The following PRODH2 variants were observed in gnomAD, a reference collection of about 807,000 sequenced individuals.
PRODH2 encodes hydroxyproline dehydrogenase.
Under a neutral mutation model 51.9 loss-of-function variants are expected in PRODH2, and 49 were observed. The observed-to-expected ratio is 0.94, with a 90% CI of 0.75 to 1.20. The LOEUF is 1.20. PRODH2 is among the 50% of genes most tolerant of loss of function. The probability of loss-of-function intolerance (pLI) is 0.00; values close to 1 mark genes in which losing one functional copy is unlikely to be tolerated. For missense variants in PRODH2, 597 were observed against 610.9 expected (o/e 0.98, Z 0.24); for synonymous variants, 249 against 260.7 (o/e 0.96, Z 0.43).
intron 9 of PRODH2, among the ~76,000 whole-genome samples, chr19:35,800,730 T>G (rs2146776938): frequency 6.6e-6 from 1 of 152,210 alleles, no homozygotes; most frequent in East Asian, 1.9e-4. Flanking sequence ...TCTAGCCCTG[T>G]GGCCCAGGCT....
At chr19:35,811,325 G>C (rs114099729) in intron 4 of PRODH2, among the ~76,000 whole-genome samples, 193 of 151,518 alleles carry the variant, frequency 1.3e-3, no homozygotes, top group African/African-American at 4.1e-3. Context: ...GGCTGAGGCT[G>C]GGGGATTGCT....
chr19:35,810,461 G>A (rs1972591110), intron 4 of PRODH2, among the ~76,000 whole-genome samples: 2 of 151,520 alleles, frequency 1.3e-5, no homozygotes, highest in Non-Finnish European at 1.5e-5. Flanking sequence ...TGGAAACAGT[G>A]GGGGCCGGGC....
rs746664469 is a variant in PRODH2, at chr19:35,812,013, G to A, written c.546C>T (p.Ala182=). 7 of 1,614,242 alleles carry A rather than the reference G, an allele frequency of 4.3e-6. No homozygotes were observed. The highest frequency in any genetic ancestry group is 1.1e-5 in the South Asian group (1 of 91,088). The change falls in exon 4 of 10, where the codon GCC becomes GCT. Residue 182 remains alanine (A), a synonymous_variant. Coordinates refer to ENST00000653904, the MANE Select transcript of PRODH2 (RefSeq NM_021232.2). The stretch of plus-strand genomic sequence containing the variant: ...GCCTCTCGGGGCTCAGCTCCAAGGA[G>A]GCTCCTGGCCTTCTGACCCACGAGG... The part of the protein sequence containing the change: ...ELASWVRRPG[A]SLELSPERLA...
In PRODH2 at chr19:35,812,799, G is replaced by T; in HGVS notation, c.7C>A (p.Arg3=). The T allele has an allele frequency of 1.3e-6, 2 of 1,589,416 alleles. No individual in the cohort carries two copies. Among genetic ancestry groups the T allele is most frequent in the Non-Finnish European group, 1.7e-6 (2 of 1,164,758 alleles). ...TGGGAACAGAGCACGTAACAGGTCC[G>T]GAGCATCCTGGGTCCCTGGCTGCCT... ML[R]TCYVLCSQAG... Residue 3 remains arginine (R), a synonymous_variant, in exon 1 of 10, where the codon CGG becomes AGG. Coordinates refer to ENST00000653904, the MANE Select transcript of PRODH2 (RefSeq NM_021232.2).
chr19:35,805,877 TG>T (rs1469362423), intron 7 of PRODH2, among the ~76,000 whole-genome samples: 1 of 151,960 alleles, frequency 6.6e-6, no homozygotes, highest in African/African-American at 2.4e-5. Context: ...AGGTGAGGGA[TG>T]GGGCCATGCC....
rs1972516874 is a variant in PRODH2 at position 35,806,672 on chromosome 19, C to T, written c.834+3G>A. 6.2e-7 allele frequency: 1 copy of T among 1,613,926 alleles called. No individual in the cohort carries two copies. Among genetic ancestry groups the T allele is most frequent in the Non-Finnish European group, 8.5e-7 (1 of 1,179,830 alleles). The stretch of plus-strand genomic sequence containing the variant: ...CCTGTACCTCCTGGAACACACTGCA[C>T]ACCTTTAGACAGGCCTGGTAGGTGT... On this transcript the variant is annotated splice_donor_region_variant and intron_variant, in intron 6 of 9. Transcript: ENST00000653904.
chr19:35,808,484 T>C (rs1450210931), intron 4 of PRODH2, among the ~76,000 whole-genome samples: 1 of 152,138 alleles, frequency 6.6e-6, no homozygotes, highest in African/African-American at 2.4e-5. Flanking sequence ...AGGGAAGACC[T>C]GGAGGCAGCA....
chr19:35,804,403 C>A (rs971099405), intron 7 of PRODH2, among the ~76,000 whole-genome samples: 2 of 152,178 alleles, frequency 1.3e-5, no homozygotes, highest in Non-Finnish European at 2.9e-5. Context: ...TAGTTAAAAC[C>A]CTTTGTGCAG....
chr19:35,807,010 C>A (rs762519838), intron 5 of PRODH2, 31 bp downstream of exon 5: 1 of 1,541,828 alleles, frequency 6.5e-7, no homozygotes. Context: ...GAGGGAGGCC[C>A]GGAGGTGCTG....
rs141090116 is a variant in PRODH2, at chr19:35,800,343, G to A, written c.1199-121C>T. 419 of 894,570 alleles carry A rather than the reference G, an allele frequency of 4.7e-4. 3 individuals carry two copies. The highest frequency in any genetic ancestry group is 4.5e-3 in the African/African-American group (261 of 57,828). 55.4% of individuals were successfully genotyped at this position (894,570 alleles called of 1,614,324 possible). ...CAGCTCACTGCAAGCTCTGCCTCCA[G>A]GTTCAAGCGATTCTCATGCCTCAGC... On this transcript the variant is annotated intron_variant, in intron 9 of 9. Coordinates refer to ENST00000653904, the MANE Select transcript of PRODH2 (RefSeq NM_021232.2).
At chr19:35,802,896 A>G in intron 8 of PRODH2, 72 bp downstream of exon 8, 1 of 1,128,522 alleles carries the variant, frequency 8.9e-7, no homozygotes, top group East Asian at 2.7e-5. Context: ...CATCTCTGGC[A>G]TTTGAGCAAA....
rs1972548589 is a variant in PRODH2 at position 35,808,486 on chromosome 19, G to C, written c.598-1365C>G. ...TGCCTCCTGGAGAAGGGAAGACCTGGAGGCAGCAGCCTGGTTTCCTCCTCC... is the reference window on the plus strand; with the variant it reads ...TGCCTCCTGGAGAAGGGAAGACCTGCAGGCAGCAGCCTGGTTTCCTCCTCC... On this transcript the variant is annotated intron_variant, in intron 4 of 9. Transcript: ENST00000653904. Among the ~76,000 whole-genome samples, 4 of 152,232 alleles carry C rather than the reference G, an allele frequency of 2.6e-5. No homozygotes were observed. In the South Asian group the frequency reaches 8.3e-4, roughly 32 times the overall value.
At chr19:35,808,147 G>A (rs1599821613) in intron 4 of PRODH2, among the ~76,000 whole-genome samples, 1 of 152,322 alleles carries the variant, frequency 6.6e-6, no homozygotes. Context: ...CCCTAGCACC[G>A]TGTCTGGAAC....
rs370972390 is a variant in PRODH2 at position 35,806,527 on chromosome 19, G to A, written c.904C>T (p.Leu302=). 4 of 1,614,134 alleles carry A rather than the reference G, an allele frequency of 2.5e-6. No homozygotes were observed. Among genetic ancestry groups the A allele is most frequent in the South Asian group, 1.1e-5 (1 of 91,082 alleles). ...TTGTCCAGATATGCACCTCGTACCA[G>A]CTTCACTCCGAAGGCCAGGCCGGCC... The part of the protein sequence containing the change: ...HRAGLAFGVK[L]VRGAYLDKER... The change falls in exon 7 of 10, where the codon CTG becomes TTG. Residue 302 remains leucine (L), a synonymous_variant. Transcript: ENST00000653904.
At position 35,811,825 on chromosome 19, in the gene PRODH2, C is replaced by T. The variant is rs551376683; in HGVS notation, c.597+137G>A. 4.8e-6 allele frequency: 4 copies of T among 836,998 alleles called. No homozygotes were observed. The East Asian group carries it at 8.1e-5, about 17-fold the overall frequency. The allele number at this position is 836,998 out of a possible 1,614,324, so 51.8% of individuals were successfully genotyped here. A position where few individuals can be genotyped will look rare whatever the true frequency, so the allele number is the denominator to read the frequency against. On this transcript the variant is annotated intron_variant, in intron 4 of 9. Coordinates refer to ENST00000653904, the MANE Select transcript of PRODH2 (RefSeq NM_021232.2). ...CTGATTCCATCCATTTCAACCATGC[C>T]TGGGAGCTACAGCTGCACTTCTGCT...
chr19:35,803,160 C>A lies in PRODH2; in HGVS notation c.1002-82G>T, dbSNP rs1972460364. The A allele has an allele frequency of 3.3e-6, 3 of 901,058 alleles. 1 individual carries two copies. The highest frequency in any genetic ancestry group is 1.7e-5 in the African/African-American group (1 of 59,650). 55.8% of individuals were successfully genotyped at this position (901,058 alleles called of 1,614,324 possible). A position where few individuals can be genotyped will look rare whatever the true frequency, so the allele number is the denominator to read the frequency against. On this transcript the variant is annotated intron_variant, in intron 7 of 9. Coordinates refer to ENST00000653904, the MANE Select transcript of PRODH2 (RefSeq NM_021232.2). ...CTGGGGTGGGTGGGGTGCTCCTAAG[C>A]AAGGGGTCTCTGGAACCAGTACTCT...
intron 9 of PRODH2, among the ~76,000 whole-genome samples, chr19:35,801,146 G>A (rs952134327): frequency 6.6e-6 from 1 of 152,010 alleles, no homozygotes; most frequent in Admixed American, 6.6e-5. Context: ...AAGTCTGGGC[G>A]ACAGAGCCAG....
chr19:35,810,118 A>T (rs1158007649), intron 4 of PRODH2, among the ~76,000 whole-genome samples: 1 of 145,852 alleles, frequency 6.9e-6, no homozygotes, highest in Non-Finnish European at 1.5e-5. Context: ...AAATACAAAA[A>T]TTAGCCAGGT....
chr19:35,807,069 G>A lies in PRODH2; in HGVS notation c.650C>T (p.Ser217Phe). Residue 217 changes from serine to phenylalanine, a missense_variant, in exon 5 of 10, where the codon TCC becomes TTC. Coordinates refer to ENST00000653904, the MANE Select transcript of PRODH2 (RefSeq NM_021232.2). ...NAEQNQHLRA[S>F]LSRLHRVAQY... is the part of the protein sequence containing the mutation. ...TGCCACCCGATGCAGGCGGCTGAGG[G>A]AGGCCCGGAGGTGCTGGTTCTGCTC... 1 of 1,552,496 alleles carries A rather than the reference G, an allele frequency of 6.4e-7. No individual in the cohort carries two copies. The highest frequency in any genetic ancestry group is 8.7e-7 in the Non-Finnish European group (1 of 1,147,740).
Sources: allele counts gnomAD v4.1 joint callset (sites outside exome capture counted in the v4.1 genomes callset), GRCh38; gene constraint gnomAD v4.1.1; transcripts MANE v1.5; gene names NCBI Gene and HGNC (gene_info 2026-07-23, HGNC 2026-07-21).